The following DNAH2 variants were observed in gnomAD, a reference collection of about 807,000 sequenced individuals.
DNAH2 encodes axonemal beta dynein heavy chain 2.
DNAH2 carries 323 observed loss-of-function variants against 523.5 expected under a neutral mutation model. That is an observed-to-expected ratio of 0.62 (90% CI 0.56 to 0.68). The LOEUF is 0.68. DNAH2 is among the 30% of genes least tolerant of loss of function. The pLI, the probability that DNAH2 is intolerant of heterozygous loss-of-function variation, is 0.00. For synonymous variants in DNAH2, 2,093 were observed against 2,177.4 expected, an observed-to-expected ratio of 0.96 and a Z score of 1.08; for missense variants, 4,907 against 5,701.5, an observed-to-expected ratio of 0.86 and a Z score of 4.49.
intron 49 of DNAH2, 119 bp downstream of exon 49, chr17:7,794,477 G>T (rs2077009958): frequency 1.3e-6 from 1 of 787,154 alleles, no homozygotes; most frequent in African/African-American, 1.8e-5. Context: ...GCTCCACGCA[G>T]GACGCTGGGA....
Position 7,791,177 on chromosome 17 carries a change from G to A in DNAH2, c.6901-740G>A, listed in dbSNP as rs1312272750. ...CAACCTCCACCTCCTGGGTTCAAGC[G>A]ATTCTCCTGCCTCAGCCTCCTGAGT... On this transcript the variant is annotated intron_variant, in intron 44 of 85. Transcript: ENST00000572933. 2.0e-5 allele frequency among the ~76,000 whole-genome samples: 3 copies of A among 151,948 alleles called. No individual in the cohort carries two copies. In the South Asian group the frequency reaches 6.2e-4, roughly 32 times the overall value.
chr17:7,793,525 TC>T (rs2151277393), intron 48 of DNAH2, among the ~76,000 whole-genome samples: 11 of 114,206 alleles, frequency 9.6e-5, no homozygotes, highest in African/African-American at 2.7e-4. Context: ...CTTCTCTTTC[TC>T]TTTCTTTCTT....
In DNAH2 at chr17:7,799,068, C is replaced by T. The variant is rs527631028; in HGVS notation, c.8560-35C>T. 39 of 1,611,468 alleles carry T rather than the reference C, an allele frequency of 2.4e-5. 2 individuals carry two copies. The South Asian group carries it at 3.0e-4, about 12-fold the overall frequency. On this transcript the variant is annotated intron_variant, in intron 55 of 85. Transcript: ENST00000572933. Reference sequence around the variant, plus strand: ...GCCCCCGCTGATTCTGCTATGGACACGCCAGCCCTCTGACCCTGGGTGGCT... The same window carrying T: ...GCCCCCGCTGATTCTGCTATGGACATGCCAGCCCTCTGACCCTGGGTGGCT...
chr17:7,724,927 G>C (rs1171979116), intron 3 of DNAH2, among the ~76,000 whole-genome samples: 2 of 151,692 alleles, frequency 1.3e-5, no homozygotes, highest in Non-Finnish European at 2.9e-5. Flanking sequence ...ATTTTTAGTA[G>C]AGGCGGGGTT....
intron 12 of DNAH2, among the ~76,000 whole-genome samples, chr17:7,745,104 C>G (rs2075478424): frequency 6.6e-6 from 1 of 152,000 alleles, no homozygotes; most frequent in African/African-American, 2.4e-5. Flanking sequence ...AAGCAATTCT[C>G]CTGCCTCAGC....
chr17:7,793,790 G>A (rs988405324), intron 48 of DNAH2, among the ~76,000 whole-genome samples: 2 of 151,964 alleles, frequency 1.3e-5, no homozygotes, highest in African/African-American at 2.4e-5. Flanking sequence ...CGGCCATCGC[G>A]GCCTGGCTCC....
chr17:7,725,779 T>C (rs2074788050), intron 3 of DNAH2, among the ~76,000 whole-genome samples: 1 of 147,626 alleles, frequency 6.8e-6, no homozygotes. Flanking sequence ...TTTTTAAAAA[T>C]GACATATCTA....
At chr17:7,803,505 T>TA (rs2077279036) in intron 58 of DNAH2, among the ~76,000 whole-genome samples, 1 of 151,614 alleles carries the variant, frequency 6.6e-6, no homozygotes, top group African/African-American at 2.4e-5. Flanking sequence ...ACCCTGTCTC[T>TA]ACAAAAATAC....
chr17:7,792,334 A>C lies in DNAH2; in HGVS notation c.7136A>C (p.Tyr2379Ser). 1 of 1,613,918 alleles carries C rather than the reference A, an allele frequency of 6.2e-7. No individual in the cohort carries two copies. The highest frequency in any genetic ancestry group is 8.5e-7 in the Non-Finnish European group (1 of 1,179,996). ...FEDKLPKSWRYPPNAPFYKIM... is the reference protein window; with the variant it reads ...FEDKLPKSWRSPPNAPFYKIM... ...GACAAGCTCCCTAAGAGTTGGCGCT[A>C]CCCTCCAAAGTAAGAGCTGGGCCTG... The change falls in exon 46 of 86, where the codon TAC (tyrosine) becomes TCC (serine). Residue 2379 changes from tyrosine to serine, a missense_variant. By Grantham distance (144) the Tyr-to-Ser change is moderately radical. Around this residue, in one of 3 missense-constraint regions of DNAH2, gnomAD observed 2,806 missense variants for 3,190.8 expected, o/e 0.88. Transcript: ENST00000572933.
intron 12 of DNAH2, among the ~76,000 whole-genome samples, chr17:7,753,840 C>T (rs941621197): frequency 1.3e-5 from 2 of 152,066 alleles, no homozygotes; most frequent in African/African-American, 2.4e-5. Context: ...CCCAGCTACT[C>T]GGAAGGCTGA....
In DNAH2 at chr17:7,743,056, G is replaced by A. The variant is rs375038250; in HGVS notation, c.1818G>A (p.Leu606=). 1.3e-6 allele frequency: 2 copies of A among 1,533,794 alleles called. No individual in the cohort carries two copies. The highest frequency in any genetic ancestry group is 1.7e-6 in the Non-Finnish European group (2 of 1,145,850). The change falls in exon 12 of 86, where the codon CTG becomes CTA. Residue 606 remains leucine (L), a synonymous_variant. Coordinates refer to ENST00000572933, the MANE Select transcript of DNAH2 (RefSeq NM_020877.5). The stretch of plus-strand genomic sequence containing the variant: ...CCTTCCAAGAGTGGACATCAAGTCT[G>A]GACAAGGATTGCATTCGGCGGTTGG... ...RKTFQEWTSS[L]DKDCIRRLDT...
chr17:7,730,653 G>C (rs974807933), intron 4 of DNAH2, among the ~76,000 whole-genome samples: 3 of 152,126 alleles, frequency 2.0e-5, no homozygotes, highest in African/African-American at 7.2e-5. Context: ...TCCAAATTAA[G>C]AGACATATTG....
chr17:7,791,066 T>A (rs187654421), intron 44 of DNAH2, among the ~76,000 whole-genome samples: 16 of 151,592 alleles, frequency 1.1e-4, no homozygotes, highest in African/African-American at 3.9e-4. Flanking sequence ...AGAAAATATG[T>A]TTTTTGTTTT....
chr17:7,740,067 G>GGT (rs1555539886), intron 9 of DNAH2, 129 bp downstream of exon 9: 3 of 475,894 alleles, frequency 6.3e-6, no homozygotes, highest in South Asian at 2.5e-5. Flanking sequence ...GCGGTGGCCC[G>GGT]GGGGGGGGGA....
Position 7,830,657 on chromosome 17 carries a change from G to C in DNAH2, c.12046-1G>C. ...GGGGCTTGGGCTGGGATCATGCCTA[G>C]GTGTCAGAAAACTTGCTGAGCCTCT... On this transcript the variant is annotated splice_acceptor_variant, in intron 78 of 85. Coordinates refer to ENST00000572933, the MANE Select transcript of DNAH2 (RefSeq NM_020877.5). LOFTEE classifies it high-confidence loss of function. 2 of 1,614,148 alleles carry C rather than the reference G, an allele frequency of 1.2e-6. No homozygotes were observed. Among genetic ancestry groups the C allele is most frequent in the Admixed American group, 1.7e-5 (1 of 60,026 alleles).
intron 58 of DNAH2, among the ~76,000 whole-genome samples, chr17:7,802,702 T>C (rs1055217403): frequency 2.0e-5 from 3 of 152,106 alleles, no homozygotes; most frequent in Non-Finnish European, 4.4e-5. Flanking sequence ...CTCGCTCTGT[T>C]GCCCAGGCTG....
At position 7,770,230 on chromosome 17, in the gene DNAH2, ACCCTC is replaced by A; in HGVS notation, c.3942-20_3942-16del. ...GTGATGGTAACTCTCCTGACCTCACACCCTCCTGTTCCTGGCTGCAGGCACTGGGA... is the reference window on the plus strand; with the variant it reads ...GTGATGGTAACTCTCCTGACCTCACACTGTTCCTGGCTGCAGGCACTGGGA... On this transcript the variant is annotated splice_polypyrimidine_tract_variant and intron_variant, in intron 24 of 85. Coordinates refer to ENST00000572933, the MANE Select transcript of DNAH2 (RefSeq NM_020877.5). The A allele has an allele frequency of 1.3e-6, 2 of 1,578,036 alleles. No individual in the cohort carries two copies. The highest frequency in any genetic ancestry group is 1.7e-6 in the Non-Finnish European group (2 of 1,163,528).
rs750069956 is a variant in DNAH2, at chr17:7,832,581, A to G, written c.12729A>G (p.Ala4243=). ...DAHVPPLWGK[A]YPSQKPLAAW... ...ATACACACGCACTCCTTCCCCAGGC[A>G]TACCCCTCACAAAAGCCATTGGCTG... The change falls in exon 83 of 86, where the codon GCA becomes GCG. Residue 4243 remains alanine, a splice_region_variant and synonymous_variant. Transcript: ENST00000572933. The surrounding 1 kb of genome is among the most constrained non-coding windows in gnomAD (Gnocchi z 4.3). 1 of 1,613,978 alleles carries G rather than the reference A, an allele frequency of 6.2e-7. No individual in the cohort carries two copies. Among genetic ancestry groups the G allele is most frequent in the Non-Finnish European group, 8.5e-7 (1 of 1,179,944 alleles).
rs1336502660 is a variant in DNAH2, at chr17:7,831,570, G to T, written c.12611+29G>T. 6.2e-7 allele frequency: 1 copy of T among 1,614,044 alleles called. No individual in the cohort carries two copies. The highest frequency in any genetic ancestry group is 8.5e-7 in the Non-Finnish European group (1 of 1,179,942). On this transcript the variant is annotated intron_variant, in intron 81 of 85. Coordinates refer to ENST00000572933, the MANE Select transcript of DNAH2 (RefSeq NM_020877.5). This position sits in a 1 kb window ranked among gnomAD's most constrained non-coding sequence, Gnocchi z 4.2. ...AGACAGAGGGGGACTCTGCGGAACA[G>T]GGGAGGGTGTGAGGAGAAGCCTTTG...
Sources: allele counts gnomAD v4.1 joint callset (sites outside exome capture counted in the v4.1 genomes callset), GRCh38; gene constraint gnomAD v4.1.1; regional missense constraint gnomAD v4.1.1; non-coding constraint Gnocchi (gnomAD v3.1); transcripts MANE v1.5; gene names NCBI Gene and HGNC (gene_info 2026-07-23, HGNC 2026-07-21).